Variants in UBE2O observed in about 807,000 individuals in gnomAD.
UBE2O encodes ubiquitin conjugating enzyme E2 O.
UBE2O carries 15 observed loss-of-function variants against 125.8 expected under a neutral mutation model. That is an observed-to-expected ratio of 0.12 (90% confidence interval 0.08 to 0.18). The LOEUF is 0.18. Among genes scored for constraint, UBE2O ranks in the 10% least tolerant of loss-of-function variants. UBE2O has a pLI of 1.00. For synonymous variants in UBE2O, 708 were observed against 703.2 expected (o/e 1.01, Z -0.11); for missense variants, 1,280 against 1,723.6 (o/e 0.74, Z 4.56).
At chr17:76,449,694 G>A (rs619907) in intron 1 of UBE2O, among the ~76,000 whole-genome samples, 9,676 of 152,148 alleles carry the variant, frequency 0.064, 383 homozygotes, top group South Asian at 0.12. Context: ...CGAGGCGGGC[G>A]GATCACCTGA....
In UBE2O at chr17:76,400,685, A is replaced by T; in HGVS notation, c.895-135T>A. ...GTGCAGCACCAAGTACAGACACATC[A>T]GAGCAGGCCCCAACTGTAACCACGG... On this transcript the variant is annotated intron_variant, in intron 6 of 17. Coordinates refer to ENST00000319380, the MANE Select transcript of UBE2O (RefSeq NM_022066.4). The surrounding 1 kb of genome is among the most constrained non-coding windows in gnomAD (Gnocchi z 4.3). The T allele has an allele frequency of 6.1e-6, 4 of 654,806 alleles. No homozygotes were observed. In the South Asian group the frequency reaches 7.6e-5, roughly 13 times the overall value. The allele number at this position is 654,806 out of a possible 1,614,324, so 40.6% of individuals were successfully genotyped here. A position where few individuals can be genotyped will look rare whatever the true frequency, so the allele number is the denominator to read the frequency against.
chr17:76,391,050 G>C lies in UBE2O; in HGVS notation c.3772C>G (p.Leu1258Val). The change falls in exon 18 of 18, where the codon CTC becomes GTC. Residue 1258 changes from leucine to valine, a missense_variant. Physicochemically the swap from Leu to Val is conservative, Grantham distance 32. Coordinates refer to ENST00000319380, the MANE Select transcript of UBE2O (RefSeq NM_022066.4). This position sits in a 1 kb window ranked among gnomAD's most constrained non-coding sequence, Gnocchi z 8.4. ...ATGAAACCCTTGGAAAGTGGGAAGA[G>C]GGGGAAGCCGATGTCAGGGTAGCCA... ...KSGYPDIGFPLFPLSKGFIKS... is the reference protein window; with the variant it reads ...KSGYPDIGFPVFPLSKGFIKS... 1 of 1,614,084 alleles carries C rather than the reference G, an allele frequency of 6.2e-7. No homozygotes were observed. The highest frequency in any genetic ancestry group is 1.1e-5 in the South Asian group (1 of 91,090).
At chr17:76,421,596 C>T (rs1355672927) in intron 1 of UBE2O, among the ~76,000 whole-genome samples, 1 of 152,048 alleles carries the variant, frequency 6.6e-6, no homozygotes, top group African/African-American at 2.4e-5. Flanking sequence ...AACTTCCGAC[C>T]TCAGGTGATC....
chr17:76,424,960 T>C (rs11077816), intron 1 of UBE2O, among the ~76,000 whole-genome samples: 38,295 of 150,394 alleles, frequency 0.25, 5,406 homozygotes, highest in East Asian at 0.49. Flanking sequence ...AAGCTCCGCC[T>C]CCCAGGTTCA....
intron 1 of UBE2O, among the ~76,000 whole-genome samples, chr17:76,426,463 A>C (rs1353955596): frequency 6.6e-6 from 1 of 152,088 alleles, no homozygotes; most frequent in Non-Finnish European, 1.5e-5. Context: ...TATTTCTACT[A>C]CCTTTAGGGC....
Position 76,395,968 on chromosome 17 carries a change from T to G in UBE2O, c.2810-107A>C. On this transcript the variant is annotated intron_variant, in intron 14 of 17. Transcript: ENST00000319380. The surrounding 1 kb of genome is among the most constrained non-coding windows in gnomAD (Gnocchi z 5.0). ...CACCCACAGACTTCCCACTCGCCGC[T>G]GCTGGCCTCAGCACTGTGACCACAC... is the stretch of plus-strand genomic sequence containing the variant. The G allele has an allele frequency of 6.4e-7, 1 of 1,550,822 alleles. No individual in the cohort carries two copies. Among genetic ancestry groups the G allele is most frequent in the Non-Finnish European group, 8.8e-7 (1 of 1,137,996 alleles).
chr17:76,390,752 G>C lies in UBE2O; in HGVS notation c.*191C>G, dbSNP rs1055716556. The C allele has an allele frequency of 3.9e-6, 2 of 513,946 alleles. No homozygotes were observed. Among genetic ancestry groups the C allele is most frequent in the Admixed American group, 7.6e-5 (2 of 26,420 alleles). The allele number at this position is 513,946 out of a possible 1,614,324, so 31.8% of individuals were successfully genotyped here. On this transcript the variant is annotated 3_prime_UTR_variant, in exon 18 of 18. Coordinates refer to ENST00000319380, the MANE Select transcript of UBE2O (RefSeq NM_022066.4). ...CAGGGGACCCGCCTGTTGAAAGCTC[G>C]CTTCAAAATAGAAACGGCAGCATCT... is the stretch of plus-strand genomic sequence containing the variant.
At chr17:76,419,339 A>AC (rs1331583297) in intron 1 of UBE2O, among the ~76,000 whole-genome samples, 1 of 151,600 alleles carries the variant, frequency 6.6e-6, no homozygotes, top group Non-Finnish European at 1.5e-5. Context: ...ATATACTCTG[A>AC]CTACTTAGGA....
Position 76,398,167 on chromosome 17 carries a change from C to T in UBE2O, c.2025+88G>A. The T allele has an allele frequency of 6.3e-7, 1 of 1,583,612 alleles. No individual in the cohort carries two copies. The highest frequency in any genetic ancestry group is 1.1e-5 in the South Asian group (1 of 88,434). On this transcript the variant is annotated intron_variant, in intron 12 of 17. Transcript: ENST00000319380. The surrounding 1 kb of genome is among the most constrained non-coding windows in gnomAD (Gnocchi z 5.4). ...CCCAGAGGACTTTCAGGTCTTGTCT[C>T]CTAGAGCCACCTGGTGGCAGCATCA...
chr17:76,450,328 C>T (rs925547047), intron 1 of UBE2O, among the ~76,000 whole-genome samples: 1 of 152,176 alleles, frequency 6.6e-6, no homozygotes, highest in Non-Finnish European at 1.5e-5. Context: ...TTCAGCTAAT[C>T]AGTCACCTGT....
In UBE2O at chr17:76,410,643, G is replaced by A. The variant is rs1243799994; in HGVS notation, c.418-5071C>T. ...ACAATGCCAGGGCAGAGGGCAACGTGGCAGGAGGCTGGGCACTTCTGTTGT... is the reference window on the plus strand; with the variant it reads ...ACAATGCCAGGGCAGAGGGCAACGTAGCAGGAGGCTGGGCACTTCTGTTGT... On this transcript the variant is annotated intron_variant, in intron 1 of 17. Transcript: ENST00000319380. The surrounding 1 kb of genome is among the most constrained non-coding windows in gnomAD (Gnocchi z 4.0). 6.6e-6 allele frequency among the ~76,000 whole-genome samples: 1 copy of A among 152,200 alleles called. No individual in the cohort carries two copies.
At chr17:76,447,659 A>G (rs2073172400) in intron 1 of UBE2O, among the ~76,000 whole-genome samples, 1 of 152,164 alleles carries the variant, frequency 6.6e-6, no homozygotes, top group African/African-American at 2.4e-5. Context: ...CAGAGGTAGG[A>G]AGTTCATGAG....
intron 1 of UBE2O, among the ~76,000 whole-genome samples, chr17:76,438,343 T>C (rs576641485): frequency 6.6e-6 from 1 of 152,278 alleles, no homozygotes; most frequent in Admixed American, 6.5e-5. Flanking sequence ...AATTTTGTTA[T>C]GCATATTTTA....
At chr17:76,444,942 G>T (rs1020908300) in intron 1 of UBE2O, among the ~76,000 whole-genome samples, 2 of 152,108 alleles carry the variant, frequency 1.3e-5, no homozygotes, top group African/African-American at 2.4e-5. Flanking sequence ...CTGCACTAGC[G>T]GTGACCACAC....
At chr17:76,423,473 C>A (rs544387375) in intron 1 of UBE2O, among the ~76,000 whole-genome samples, 1 of 152,150 alleles carries the variant, frequency 6.6e-6, no homozygotes, top group South Asian at 2.1e-4. Flanking sequence ...GTGGGAGGAT[C>A]ATGAGGTCAG....
At chr17:76,427,227 C>T (rs191748526) in intron 1 of UBE2O, among the ~76,000 whole-genome samples, 222 of 152,316 alleles carry the variant, frequency 1.5e-3, no homozygotes, top group African/African-American at 5.1e-3. Flanking sequence ...CTAACTTCTG[C>T]AGATCTGTTT....
At chr17:76,392,939 G>A (rs886327190) in intron 15 of UBE2O, among the ~76,000 whole-genome samples, 2 of 150,158 alleles carry the variant, frequency 1.3e-5, no homozygotes, top group Non-Finnish European at 3.0e-5. Context: ...GTGACAGTGC[G>A]ACGCTATCTC....
Position 76,395,537 on chromosome 17 carries a change from G to T in UBE2O, c.2946+188C>A. The T allele has an allele frequency of 1.6e-6, 1 of 634,392 alleles. No homozygotes were observed. The highest frequency in any genetic ancestry group is 2.7e-6 in the Non-Finnish European group (1 of 372,948). The allele number at this position is 634,392 out of a possible 1,614,324, so 39.3% of individuals were successfully genotyped here. ...GAGGGAGGAAAGAAAGAACCATCTG[G>T]CCTGGACACACGGCTGAGTCAGCCC... On this transcript the variant is annotated intron_variant, in intron 15 of 17. Transcript: ENST00000319380. The surrounding 1 kb of genome is among the most constrained non-coding windows in gnomAD (Gnocchi z 5.0).
chr17:76,451,323 T>C (rs1489256535), intron 1 of UBE2O, among the ~76,000 whole-genome samples: 1 of 152,250 alleles, frequency 6.6e-6, no homozygotes, highest in Non-Finnish European at 1.5e-5. Context: ...AAAAGTAATA[T>C]TTTCCAAATA....
Sources: allele counts gnomAD v4.1 joint callset (sites outside exome capture counted in the v4.1 genomes callset), GRCh38; gene constraint gnomAD v4.1.1; non-coding constraint Gnocchi (gnomAD v3.1); transcripts MANE v1.5; gene names NCBI Gene and HGNC (gene_info 2026-07-23, HGNC 2026-07-21).